Variants in SSUH2 observed in about 807,000 individuals in gnomAD.
SSUH2 encodes ssu-2 homolog, also known as protein SSUH2 homolog.
In SSUH2, 47 loss-of-function variants were observed where a neutral mutation model predicts 55.3. That is an observed-to-expected ratio of 0.85 (90% CI 0.67 to 1.08). The LOEUF (loss-of-function observed/expected upper bound fraction) is 1.08, where lower values mean the gene tolerates loss of function less well. SSUH2 is among the 50% of genes least tolerant of loss of function. The probability of loss-of-function intolerance (pLI) is 0.00; values close to 1 mark genes in which losing one functional copy is unlikely to be tolerated. For synonymous variants in SSUH2, 212 were observed against 191.5 expected (o/e 1.11, Z -0.89); for missense variants, 535 against 490.7 (o/e 1.09, Z -0.85).
chr3:8,630,317 T>A (rs1210682208), intron 6 of SSUH2, among the ~76,000 whole-genome samples: 3 of 152,312 alleles, frequency 2.0e-5, no homozygotes, highest in African/African-American at 7.2e-5. Flanking sequence ...GCTATCTCAG[T>A]CGTGTTTTTG....
chr3:8,640,918 G>C (rs1308700958), intron 1 of SSUH2, among the ~76,000 whole-genome samples: 1 of 152,194 alleles, frequency 6.6e-6, no homozygotes, highest in Non-Finnish European at 1.5e-5. Context: ...TCAATTATTT[G>C]AAATATGAAA....
intron 2 of SSUH2, among the ~76,000 whole-genome samples, chr3:8,679,218 C>T (rs1237273398): frequency 6.4e-5 from 1 of 15,678 alleles, no homozygotes; most frequent in Non-Finnish European, 1.4e-4. Flanking sequence ...GGGGGGATGG[C>T]ACCCTCCGTG....
chr3:8,636,182 A>C (rs1159477433), intron 1 of SSUH2, among the ~76,000 whole-genome samples: 1 of 152,200 alleles, frequency 6.6e-6, no homozygotes, highest in African/African-American at 2.4e-5. Context: ...CCTTTCATGG[A>C]AACTGGGAAG....
At chr3:8,681,187 C>T (rs1311061350) in intron 1 of SSUH2, among the ~76,000 whole-genome samples, 11 of 130,448 alleles carry the variant, frequency 8.4e-5, no homozygotes, top group African/African-American at 1.9e-4. Context: ...CCATGCAAGG[C>T]GGGGAATGAG....
At chr3:8,633,974 C>A (rs753962215) in intron 3 of SSUH2, 179 bp from the exon 4 acceptor site, 36 of 1,608,936 alleles carry the variant, frequency 2.2e-5, no homozygotes, top group Non-Finnish European at 2.8e-5. Context: ...GGGTGCCCAG[C>A]GTGAGAACGG....
chr3:8,637,625 A>T (rs1297187459), intron 1 of SSUH2, among the ~76,000 whole-genome samples: 1 of 152,200 alleles, frequency 6.6e-6, no homozygotes, highest in Non-Finnish European at 1.5e-5. Context: ...GTTCCAGCCC[A>T]CTGGGCCGCC....
chr3:8,633,888 CTG>C, intron 3 of SSUH2, 93 bp from the exon 4 acceptor site: 1 of 1,613,978 alleles, frequency 6.2e-7, no homozygotes, highest in Non-Finnish European at 8.5e-7. Context: ...AGGCGAGAAA[CTG>C]AGGCCACGGT....
Position 8,619,682 on chromosome 3 carries a change from TGG to T in SSUH2, c.*184_*185del, listed in dbSNP as rs1696025869. 1 of 570,990 alleles carries T rather than the reference TGG, an allele frequency of 1.8e-6. No homozygotes were observed. Among genetic ancestry groups the T allele is most frequent in the South Asian group, 2.5e-5 (1 of 39,652 alleles). The allele number at this position is 570,990 out of a possible 1,614,324, so 35.4% of individuals were successfully genotyped here. A position where few individuals can be genotyped will look rare whatever the true frequency, so the allele number is the denominator to read the frequency against. On this transcript the variant is annotated 3_prime_UTR_variant, in exon 12 of 12. Coordinates refer to ENST00000544814, the MANE Select transcript of SSUH2 (RefSeq NM_001256748.3). ...TATTGTAGGTTAAACATATGAGTCA[TGG>T]ATTCCACCAGAGGAGCTGTATAAGG...
chr3:8,651,226 T>A (rs1292075295), intron 7 of SSUH2, among the ~76,000 whole-genome samples: 1 of 152,234 alleles, frequency 6.6e-6, no homozygotes, highest in Non-Finnish European at 1.5e-5. Context: ...CTTCCCGTCC[T>A]TGTGTTTGCA....
At chr3:8,652,276 T>TC (rs755223096) in intron 7 of SSUH2, among the ~76,000 whole-genome samples, 2 of 152,108 alleles carry the variant, frequency 1.3e-5, no homozygotes, top group Non-Finnish European at 2.9e-5. Flanking sequence ...TACCACAATC[T>TC]CCCCCAGTCC....
At chr3:8,635,503 T>C in intron 2 of SSUH2, 122 bp from the exon 3 acceptor site, 1 of 793,316 alleles carries the variant, frequency 1.3e-6, no homozygotes, top group Non-Finnish European at 2.0e-6. Context: ...GTGATGCATT[T>C]AATGCAAAAA....
In SSUH2 at chr3:8,619,718, C is replaced by T. The variant is rs1696032774; in HGVS notation, c.*150G>A. 3.9e-5 allele frequency: 33 copies of T among 843,708 alleles called. No homozygotes were observed. The highest frequency in any genetic ancestry group is 5.8e-5 in the Non-Finnish European group (32 of 554,002). The allele number at this position is 843,708 out of a possible 1,614,324, so 52.3% of individuals were successfully genotyped here. ...AGAGGAGCTGTATAAGGGGTTGGAG[C>T]TTGATAGATGATAAGCTGGTTTTTC... On this transcript the variant is annotated 3_prime_UTR_variant, in exon 12 of 12. Transcript: ENST00000544814.
chr3:8,633,906 T>C (rs761107386), intron 3 of SSUH2, 111 bp from the exon 4 acceptor site: 41 of 1,613,764 alleles, frequency 2.5e-5, no homozygotes, highest in Non-Finnish European at 3.5e-5. Context: ...ACGGTAGTGG[T>C]AAAGCCCTCA....
rs758622581 is a variant in SSUH2, at chr3:8,635,407, G to A, written c.128-26C>T. The A allele has an allele frequency of 1.5e-3, 2,173 of 1,491,236 alleles. 5 individuals are homozygous for A. The highest frequency in any genetic ancestry group is 3.2e-3 in the Middle Eastern group (19 of 5,928). 92.4% of individuals were successfully genotyped at this position (1,491,236 alleles called of 1,614,324 possible). On this transcript the variant is annotated intron_variant, in intron 2 of 11. Transcript: ENST00000544814. ...CTGGAGAAGGGAAGAGTCAGGGGCT[G>A]GACAGCCCAGGCCAAAGGAACAAAT...
intron 3 of SSUH2, among the ~76,000 whole-genome samples, chr3:8,677,049 C>T (rs1705431490): frequency 1.3e-5 from 2 of 148,504 alleles, no homozygotes; most frequent in South Asian, 2.2e-4. Flanking sequence ...CCCCAGGAGG[C>T]GGGGACTGCG....
At chr3:8,652,167 A>G (rs1702487241) in intron 7 of SSUH2, 1 of 152,326 alleles carries the variant, frequency 6.6e-6, no homozygotes, top group South Asian at 2.1e-4. Context: ...CACAGTGTCC[A>G]AAGTGCGACA....
intron 5 of SSUH2, among the ~76,000 whole-genome samples, chr3:8,666,719 G>A (rs114624200): frequency 0.034 from 5,247 of 152,180 alleles, 118 homozygotes; most frequent in Middle Eastern, 0.065. Context: ...CGATTTACCC[G>A]GGCATAACGT....
In SSUH2 at chr3:8,642,059, A is replaced by T. The variant is rs1176903737; in HGVS notation, c.28+2672T>A. ...GCCCAGGAGTAAAAAGGTACAACCC[A>T]TGTCTTATAGTCCTAGACCAGAAAA... On this transcript the variant is annotated intron_variant, in intron 1 of 11. Transcript: ENST00000544814. Among the ~76,000 whole-genome samples the T allele has an allele frequency of 2.0e-5, 3 of 152,324 alleles. No individual in the cohort carries two copies. In the South Asian group the frequency reaches 6.2e-4, roughly 32 times the overall value.
Position 8,680,813 on chromosome 3 carries a change from T to C in SSUH2, c.-1045-964A>G, listed in dbSNP as rs750379252. Reference sequence around the variant, plus strand: ...GGCCTCTGAATATTGGAAAGAATATTGCAGGGTGGGTGTACACCTCGTTCT... The same window carrying C: ...GGCCTCTGAATATTGGAAAGAATATCGCAGGGTGGGTGTACACCTCGTTCT... On this transcript the variant is annotated intron_variant, in intron 1 of 18. Coordinates refer to the SSUH2 transcript ENST00000317371. Among the ~76,000 whole-genome samples, 52 of 152,036 alleles carry C rather than the reference T, an allele frequency of 3.4e-4. 1 individual carries two copies. Among genetic ancestry groups the C allele is most frequent in the Non-Finnish European group, 6.0e-4 (41 of 67,974 alleles).
Sources: allele counts gnomAD v4.1 joint callset (sites outside exome capture counted in the v4.1 genomes callset), GRCh38; gene constraint gnomAD v4.1.1; transcripts MANE v1.5; gene names NCBI Gene and HGNC (gene_info 2026-07-23, HGNC 2026-07-21).